The following TMTC2 variants were observed in gnomAD, a reference collection of about 807,000 sequenced individuals.
The protein encoded by TMTC2 is transmembrane O-mannosyltransferase targeting cadherins 2, also known as protein O-mannosyl-transferase TMTC2.
Under a neutral mutation model 82.4 loss-of-function variants are expected in TMTC2, and 43 were observed. That is an observed-to-expected ratio of 0.52 (90% CI 0.41 to 0.67). TMTC2 has a LOEUF of 0.67. TMTC2 is among the 30% of genes least tolerant of loss of function. The probability of loss-of-function intolerance (pLI) is 0.00; values close to 1 mark genes in which losing one functional copy is unlikely to be tolerated. For missense variants in TMTC2, 919 were observed against 1,012.4 expected (o/e 0.91, Z 1.25); for synonymous variants, 408 against 381.9 (o/e 1.07, Z -0.80).
At chr12:82,742,490 C>T (rs923572132) in intron 1 of TMTC2, among the ~76,000 whole-genome samples, 5 of 151,148 alleles carry the variant, frequency 3.3e-5, no homozygotes, top group African/African-American at 1.2e-4. Flanking sequence ...GCTGTCTAAA[C>T]GAGATGACTT....
At position 82,819,803 on chromosome 12, in the gene TMTC2, G is replaced by A. The variant is rs191407097; in HGVS notation, c.84-37207G>A. Among the ~76,000 whole-genome samples, 4 of 152,166 alleles carry A rather than the reference G, an allele frequency of 2.6e-5. No individual in the cohort carries two copies. In the East Asian group the frequency reaches 7.7e-4, roughly 29 times the overall value. On this transcript the variant is annotated intron_variant, in intron 1 of 11. Transcript: ENST00000321196. The stretch of plus-strand genomic sequence containing the variant: ...CAGGTGTTGTGAACCACCGTGCCCA[G>A]CCCCTCATAGTACTTTGTAAGTGTA...
chr12:82,721,361 A>G (rs1167012729), intron 1 of TMTC2, among the ~76,000 whole-genome samples: 2 of 152,358 alleles, frequency 1.3e-5, no homozygotes, highest in Non-Finnish European at 1.5e-5. Flanking sequence ...GGAGAAGGAA[A>G]TAAGATTTTC....
At chr12:82,946,842 C>T (rs1282386534) in intron 4 of TMTC2, among the ~76,000 whole-genome samples, 1 of 150,996 alleles carries the variant, frequency 6.6e-6, no homozygotes, top group Non-Finnish European at 1.5e-5. Flanking sequence ...CCCGGGTTCA[C>T]GCCATTCTCC....
intron 1 of TMTC2, among the ~76,000 whole-genome samples, chr12:82,738,204 T>C (rs768941135): frequency 6.6e-6 from 1 of 152,206 alleles, no homozygotes; most frequent in Non-Finnish European, 1.5e-5. Context: ...AATTAAGTGC[T>C]CCCTTAAATG....
At chr12:82,919,967 T>C (rs1392619275) in intron 3 of TMTC2, among the ~76,000 whole-genome samples, 1 of 152,172 alleles carries the variant, frequency 6.6e-6, no homozygotes, top group African/African-American at 2.4e-5. Context: ...TTTTCTAGCC[T>C]GATTCTCCAA....
rs1204104341 is a variant in TMTC2, at chr12:83,133,574, A to G, written c.*1185A>G. The G allele has an allele frequency of 6.6e-6, 1 of 152,238 alleles. No homozygotes were observed. Among genetic ancestry groups the G allele is most frequent in the African/African-American group, 2.4e-5 (1 of 41,458 alleles). The allele number at this position is 152,238 out of a possible 1,614,324, so 9.4% of individuals were successfully genotyped here. A position where few individuals can be genotyped will look rare whatever the true frequency, so the allele number is the denominator to read the frequency against. ...CCTGCATGTTTCTAGGTCTTCTGCC[A>G]AGTGCTTTTCTCAGTTGAAAACTAT... On this transcript the variant is annotated 3_prime_UTR_variant, in exon 12 of 12. Transcript: ENST00000321196.
At chr12:82,819,445 A>G (rs1868947443) in intron 1 of TMTC2, among the ~76,000 whole-genome samples, 1 of 151,478 alleles carries the variant, frequency 6.6e-6, no homozygotes, top group African/African-American at 2.4e-5. Context: ...TGGGATATTC[A>G]GAACTAGACA....
At chr12:82,949,115 C>A (rs1877203706) in intron 4 of TMTC2, among the ~76,000 whole-genome samples, 1 of 152,176 alleles carries the variant, frequency 6.6e-6, no homozygotes, top group African/African-American at 2.4e-5. Context: ...TTGGCCTATG[C>A]TTGTATTCCA....
chr12:83,048,551 A>T, intron 9 of TMTC2, among the ~76,000 whole-genome samples: 1 of 152,324 alleles, frequency 6.6e-6, no homozygotes, highest in East Asian at 1.9e-4. Flanking sequence ...TAGTCTTAAA[A>T]TTTTGTCACT....
intron 2 of TMTC2, among the ~76,000 whole-genome samples, chr12:82,894,250 G>A (rs1376032296): frequency 6.6e-6 from 1 of 152,162 alleles, no homozygotes; most frequent in East Asian, 1.9e-4. Context: ...AGTCATTAGT[G>A]TACATTAAGG....
intron 3 of TMTC2, among the ~76,000 whole-genome samples, chr12:82,925,561 G>T (rs1313783806): frequency 6.6e-6 from 1 of 152,070 alleles, no homozygotes; most frequent in Non-Finnish European, 1.5e-5. Context: ...AACCAAGCTG[G>T]TCAGTGCCGT....
chr12:83,063,855 A>G (rs936575580), intron 11 of TMTC2, among the ~76,000 whole-genome samples: 3 of 151,840 alleles, frequency 2.0e-5, no homozygotes, highest in Non-Finnish European at 1.5e-5. Context: ...GCTTTGGAGA[A>G]AGCTGGAGCA....
chr12:82,783,986 A>T (rs542582251), intron 1 of TMTC2, among the ~76,000 whole-genome samples: 1 of 152,084 alleles, frequency 6.6e-6, no homozygotes, highest in Non-Finnish European at 1.5e-5. Flanking sequence ...GAGTACATGG[A>T]TGATGAGAAT....
intron 1 of TMTC2, among the ~76,000 whole-genome samples, chr12:82,719,059 T>TTATATATATA (rs1271920285): frequency 7.6e-4 from 72 of 94,428 alleles, no homozygotes; most frequent in African/African-American, 2.5e-3. Flanking sequence ...TTAGATGATT[T>TTATATATATA]TATATATATA....
chr12:82,995,354 G>T (rs201632094), intron 8 of TMTC2, among the ~76,000 whole-genome samples: 1 of 139,638 alleles, frequency 7.2e-6, no homozygotes, highest in Non-Finnish European at 1.6e-5. Flanking sequence ...ACACACACAC[G>T]CACATAAACG....
At chr12:83,094,017 T>C (rs1364995009) in intron 11 of TMTC2, among the ~76,000 whole-genome samples, 2 of 152,218 alleles carry the variant, frequency 1.3e-5, no homozygotes, top group Non-Finnish European at 2.9e-5. Context: ...GGCTGTTCAG[T>C]AAATGAGTGT....
At chr12:82,937,906 AC>A (rs1876474742) in intron 4 of TMTC2, among the ~76,000 whole-genome samples, 1 of 84,550 alleles carries the variant, frequency 1.2e-5, no homozygotes, top group Non-Finnish European at 2.3e-5. Context: ...ATAGATTCAA[AC>A]CTTTTTTTTT....
chr12:82,753,404 T>A (rs141706737), intron 1 of TMTC2, among the ~76,000 whole-genome samples: 77 of 151,244 alleles, frequency 5.1e-4, no homozygotes, highest in African/African-American at 1.8e-3. Flanking sequence ...TTCTTTAAAC[T>A]GTTTCCTCAC....
intron 11 of TMTC2, among the ~76,000 whole-genome samples, chr12:83,114,059 C>A (rs548636565): frequency 6.6e-6 from 1 of 152,126 alleles, no homozygotes; most frequent in African/African-American, 2.4e-5. Context: ...TTGTTCATGC[C>A]ATAGTCCCCA....
Sources: gnomAD v4.1 joint callset for allele counts (sites outside exome capture counted in the v4.1 genomes callset) on GRCh38, gnomAD v4.1.1 for gene constraint, MANE v1.5 for transcripts, NCBI Gene and HGNC (gene_info 2026-07-23, HGNC 2026-07-21) for gene names.